The following PRDM7 variants were observed in gnomAD, a reference collection of about 807,000 sequenced individuals.
PRDM7 encodes PR/SET domain 7, also known as histone-lysine N-methyltransferase PRDM7.
A neutral mutation model predicts 64.3 loss-of-function variants in PRDM7; 52 were observed. The ratio of observed to expected loss-of-function variants is 0.81; its 90% confidence interval spans 0.65 to 1.02. The LOEUF is 1.02. Ranked by LOEUF, PRDM7 falls within the 50% of genes least tolerant of loss-of-function variation. The probability of loss-of-function intolerance (pLI) is 0.00; values close to 1 mark genes in which losing one functional copy is unlikely to be tolerated. For missense variants in PRDM7, 574 were observed against 597.1 expected, an observed-to-expected ratio of 0.96 and a Z score of 0.40; for synonymous variants, 192 against 210.1, an observed-to-expected ratio of 0.91 and a Z score of 0.74.
At chr16:90,072,786 A>G (rs1240052583) in intron 4 of PRDM7, among the ~76,000 whole-genome samples, 1 of 152,230 alleles carries the variant, frequency 6.6e-6, no homozygotes, top group Non-Finnish European at 1.5e-5. Context: ...GTTCAGATAA[A>G]GATGTATAGA....
At position 90,074,906 on chromosome 16, in the gene PRDM7, T is replaced by C; in HGVS notation, c.301+10A>G. 6.2e-7 allele frequency: 1 copy of C among 1,612,848 alleles called. No homozygotes were observed. The highest frequency in any genetic ancestry group is 2.2e-5 in the East Asian group (1 of 44,842). Reference sequence around the variant, plus strand: ...AAAAAAAAAAAAATCCTCCTTCCCTTCCCTCTTACCTTGCTGCCTAGGTGT... The same window carrying C: ...AAAAAAAAAAAAATCCTCCTTCCCTCCCCTCTTACCTTGCTGCCTAGGTGT... On this transcript the variant is annotated intron_variant, in intron 4 of 10. Transcript: ENST00000449207.
Position 90,062,518 on chromosome 16 carries a change from G to C in PRDM7, c.509-16C>G. 2 of 1,592,800 alleles carry C rather than the reference G, an allele frequency of 1.3e-6. No homozygotes were observed. On this transcript the variant is annotated splice_polypyrimidine_tract_variant and intron_variant, in intron 6 of 10. Coordinates refer to ENST00000449207, the MANE Select transcript of PRDM7 (RefSeq NM_001098173.2). Reference sequence around the variant, plus strand: ...CTCCTGAGTTCTAGGTTGGAGAAGAGTAGATGGGTAAAATTGGGAGTCTGG... The same window carrying C: ...CTCCTGAGTTCTAGGTTGGAGAAGACTAGATGGGTAAAATTGGGAGTCTGG...
Position 90,075,790 on chromosome 16 carries a change from T to C in PRDM7, c.69+52A>G. On this transcript the variant is annotated intron_variant, in intron 2 of 10. Coordinates refer to ENST00000449207, the MANE Select transcript of PRDM7 (RefSeq NM_001098173.2). This position sits in a 1 kb window ranked among gnomAD's most constrained non-coding sequence, Gnocchi z 4.3. ...GGTACAGGCCAGGAGTCTGCAGCACTCCAGAGATCAGCTCCTGCTGGGAGT... is the reference window on the plus strand; with the variant it reads ...GGTACAGGCCAGGAGTCTGCAGCACCCCAGAGATCAGCTCCTGCTGGGAGT... The C allele has an allele frequency of 1.3e-6, 2 of 1,588,720 alleles. No individual in the cohort carries two copies. The highest frequency in any genetic ancestry group is 1.7e-6 in the Non-Finnish European group (2 of 1,161,614).
Position 90,058,257 on chromosome 16 carries a change from C to T in PRDM7, c.*32G>A. 1 of 1,614,104 alleles carries T rather than the reference C, an allele frequency of 6.2e-7. No individual in the cohort carries two copies. Among genetic ancestry groups the T allele is most frequent in the South Asian group, 1.1e-5 (1 of 91,080 alleles). On this transcript the variant is annotated 3_prime_UTR_variant, in exon 11 of 11. Transcript: ENST00000449207. ...GTCCTTTGGGTGGGCTAGAAAAGGC[C>T]CTTGAAATCTCCCTCTGCCATGTCC...
Position 90,063,635 on chromosome 16 carries a change from C to T in PRDM7, c.485G>A (p.Gly162Glu). 6.2e-7 allele frequency: 1 copy of T among 1,613,698 alleles called. No homozygotes were observed. The highest frequency in any genetic ancestry group is 2.2e-5 in the East Asian group (1 of 44,878). ...ACCCAGTTTTAGTCTAGAGTGCTGT[C>T]CAGAGGTACTTGCTTCTCCAGGAGG... The part of the protein sequence containing the change: ...VSPPGEASTS[G>E]QHSRLKLELR... Residue 162 changes from glycine (G) to glutamate (E), a missense_variant, in exon 6 of 11, where the codon GGA becomes GAA. By Grantham distance (98) the Gly-to-Glu change is moderately conservative. Coordinates refer to ENST00000449207, the MANE Select transcript of PRDM7 (RefSeq NM_001098173.2).
In PRDM7 at chr16:90,061,943, G is replaced by C; in HGVS notation, c.860C>G (p.Ala287Gly). 1 of 1,614,256 alleles carries C rather than the reference G, an allele frequency of 6.2e-7. No homozygotes were observed. Among genetic ancestry groups the C allele is most frequent in the Non-Finnish European group, 8.5e-7 (1 of 1,180,046 alleles). ...EGRITEDEEA[A>G]NSGYSWLITK... ...TACTAGCCAGGAATATCCACTGTTG[G>C]CTGCCTCTTCGTCTTCTGTAATTCG... is the stretch of plus-strand genomic sequence containing the variant. Residue 287 changes from alanine (A) to glycine (G), a missense_variant, in exon 8 of 11, where the codon GCC becomes GGC. Physicochemically the swap from Ala to Gly is moderately conservative, Grantham distance 60. Transcript: ENST00000449207.
At position 90,060,292 on chromosome 16, in the gene PRDM7, G is replaced by T. The variant is rs754555300; in HGVS notation, c.1233+49C>A. 9 of 1,613,126 alleles carry T rather than the reference G, an allele frequency of 5.6e-6. No individual in the cohort carries two copies. The African/African-American group carries it at 9.3e-5, about 17-fold the overall frequency. On this transcript the variant is annotated intron_variant, in intron 10 of 10. Transcript: ENST00000449207. ...GAGTTCAATCATGAAAATTCTCTAGGATAATTCTTTCTTTCCTGTCCTTTT... is the reference window on the plus strand; with the variant it reads ...GAGTTCAATCATGAAAATTCTCTAGTATAATTCTTTCTTTCCTGTCCTTTT...
chr16:90,059,758 C>A (rs182347392), intron 10 of PRDM7, among the ~76,000 whole-genome samples: 122 of 152,340 alleles, frequency 8.0e-4, no homozygotes, highest in African/African-American at 2.9e-3. Context: ...CACACTGATC[C>A]CAGGTATTCT....
Position 90,058,326 on chromosome 16 carries a change from G to C in PRDM7, c.1442C>G (p.Pro481Arg). 6.2e-7 allele frequency: 1 copy of C among 1,614,110 alleles called. No homozygotes were observed. Among genetic ancestry groups the C allele is most frequent in the South Asian group, 1.1e-5 (1 of 91,084 alleles). The change falls in exon 11 of 11, where the codon CCA becomes CGA. Residue 481 changes from proline to arginine, a missense_variant. Coordinates refer to ENST00000449207, the MANE Select transcript of PRDM7 (RefSeq NM_001098173.2). The stretch of plus-strand genomic sequence containing the variant: ...ACCTTTCTTTGATCTCTTGACCTTT[G>C]GTTTTGTCATTACAGCAGCGTGGAT... ...ILIHAAVMTK[P>R]KVKRSKKGPN...
At chr16:90,076,135 C>T in intron 1 of PRDM7, 140 bp from the exon 2 acceptor site, 1 of 573,902 alleles carries the variant, frequency 1.7e-6, no homozygotes, top group Non-Finnish European at 3.1e-6. Context: ...CCAGGGAGGT[C>T]TGGGGGTACT....
At chr16:90,068,925 T>A (rs2037918403) in intron 4 of PRDM7, among the ~76,000 whole-genome samples, 1 of 151,350 alleles carries the variant, frequency 6.6e-6, no homozygotes, top group African/African-American at 2.5e-5. Context: ...ATTGTTAACA[T>A]GTTCATACTA....
Position 90,074,070 on chromosome 16 carries a change from G to C in PRDM7, c.301+846C>G, listed in dbSNP as rs151237553. Among the ~76,000 whole-genome samples, 390 of 151,620 alleles carry C rather than the reference G, an allele frequency of 2.6e-3. 3 individuals carry two copies. Among genetic ancestry groups the C allele is most frequent in the African/African-American group, 8.7e-3 (359 of 41,404 alleles). On this transcript the variant is annotated intron_variant, in intron 4 of 10. Transcript: ENST00000449207. ...CAAAGTGCTGGGATTACAGGTGTGA[G>C]CCACCATGCCTGGCCAGGAGGTCAC...
chr16:90,063,575 C>T lies in PRDM7; in HGVS notation c.508+37G>A, dbSNP rs775370598. On this transcript the variant is annotated intron_variant, in intron 6 of 10. Transcript: ENST00000449207. ...CATACTCACCAACCTTTCTAGAGGA[C>T]ATAGAGGGACTAAATTCCCCTCAAA... 1.9e-6 allele frequency: 3 copies of T among 1,606,732 alleles called. No homozygotes were observed. The East Asian group carries it at 6.7e-5, about 36-fold the overall frequency.
intron 4 of PRDM7, among the ~76,000 whole-genome samples, chr16:90,072,015 G>T (rs1218030671): frequency 6.6e-6 from 1 of 152,084 alleles, no homozygotes; most frequent in Non-Finnish European, 1.5e-5. Context: ...CGGATCATGA[G>T]GTCAGGAGAT....
chr16:90,059,518 T>A (rs1191995319), intron 10 of PRDM7, among the ~76,000 whole-genome samples: 2 of 152,238 alleles, frequency 1.3e-5, no homozygotes, highest in African/African-American at 4.8e-5. Flanking sequence ...AAAGCTGAAC[T>A]CTTTCTGGCC....
At chr16:90,067,622 G>A (rs1254499890) in intron 4 of PRDM7, among the ~76,000 whole-genome samples, 1 of 127,284 alleles carries the variant, frequency 7.9e-6, no homozygotes, top group Non-Finnish European at 1.6e-5. Context: ...ATGGAGTCTC[G>A]CTCTGTCACC....
chr16:90,062,149 A>C lies in PRDM7; in HGVS notation c.654T>G (p.Ala218=). The change falls in exon 8 of 11, where the codon GCT becomes GCG. Residue 218 remains alanine, a synonymous_variant. Coordinates refer to ENST00000449207, the MANE Select transcript of PRDM7 (RefSeq NM_001098173.2). ...CQNFFIDSCA[A]HGPPTFVKDS... is the part of the protein sequence containing the mutation. ...CCTTTACAAATGTAGGGGGCCCATG[A>C]GCAGCACAGCTGTCAATGAAGAAGT... 1.9e-6 allele frequency: 3 copies of C among 1,614,262 alleles called. No individual in the cohort carries two copies. Among genetic ancestry groups the C allele is most frequent in the Non-Finnish European group, 2.5e-6 (3 of 1,180,042 alleles).
chr16:90,068,346 C>T (rs760605858), intron 4 of PRDM7, among the ~76,000 whole-genome samples: 1 of 149,540 alleles, frequency 6.7e-6, no homozygotes, highest in Non-Finnish European at 1.5e-5. Context: ...AAGTAATACA[C>T]GAATTTGGGC....
chr16:90,061,500 C>A lies in PRDM7; in HGVS notation c.902G>T (p.Cys301Phe), dbSNP rs2037777251. ...ATCTTTTCCATCCACATACTCATAG[C>A]AGTTTCTCCCCTTGGTGATCTGAGT... Reference protein sequence around the residue: ...YSWLITKGRNCYEYVDGKDKS... With the variant: ...YSWLITKGRNFYEYVDGKDKS... The change falls in exon 9 of 11, where the codon TGC becomes TTC. Residue 301 changes from cysteine (C) to phenylalanine (F), a missense_variant. By Grantham distance (205) the Cys-to-Phe change is radical. Coordinates refer to ENST00000449207, the MANE Select transcript of PRDM7 (RefSeq NM_001098173.2). 6.2e-7 allele frequency: 1 copy of A among 1,605,702 alleles called. No homozygotes were observed. The highest frequency in any genetic ancestry group is 8.5e-7 in the Non-Finnish European group (1 of 1,172,292).
Sources: allele counts gnomAD v4.1 joint callset (sites outside exome capture counted in the v4.1 genomes callset), GRCh38; gene constraint gnomAD v4.1.1; non-coding constraint Gnocchi (gnomAD v3.1); transcripts MANE v1.5; gene names NCBI Gene and HGNC (gene_info 2026-07-23, HGNC 2026-07-21).